The following MCPH1 variants were observed in gnomAD, a reference collection of about 807,000 sequenced individuals.
The protein encoded by MCPH1 is microcephalin.
In MCPH1, 104 loss-of-function variants were observed where a neutral mutation model predicts 84.5. The observed-to-expected ratio is 1.23, with a 90% CI of 1.05 to 1.45. The LOEUF (loss-of-function observed/expected upper bound fraction) is 1.45, where lower values mean the gene tolerates loss of function less well. Ranked by LOEUF, MCPH1 falls within the 40% of genes most tolerant of loss-of-function variation. The probability of loss-of-function intolerance (pLI) is 0.00; values close to 1 mark genes in which losing one functional copy is unlikely to be tolerated. For missense variants in MCPH1, 1,498 were observed against 1,005.7 expected (o/e 1.49, Z -6.62); for synonymous variants, 514 against 366.8 (o/e 1.40, Z -4.58).
At chr8:6,428,047 G>A (rs2129553543) in intron 3 of MCPH1, among the ~76,000 whole-genome samples, 1 of 152,014 alleles carries the variant, frequency 6.6e-6, no homozygotes, top group Admixed American at 6.5e-5. Context: ...CTCCCAAAGT[G>A]CTGAGATTAC....
intron 11 of MCPH1, among the ~76,000 whole-genome samples, chr8:6,482,467 G>GTT (rs1314842737): frequency 6.6e-6 from 1 of 152,200 alleles, no homozygotes; most frequent in African/African-American, 2.4e-5. Context: ...CAGTGAATGA[G>GTT]TTCTGTGTTT....
chr8:6,553,574 G>A (rs1303561534), intron 12 of MCPH1, among the ~76,000 whole-genome samples: 4 of 152,120 alleles, frequency 2.6e-5, no homozygotes, highest in African/African-American at 7.2e-5. Flanking sequence ...TTCAAACAAC[G>A]GGAGAACATG....
intron 12 of MCPH1, among the ~76,000 whole-genome samples, chr8:6,584,083 A>T (rs1827790561): frequency 1.3e-5 from 2 of 152,046 alleles, no homozygotes; most frequent in South Asian, 4.1e-4. Flanking sequence ...ATCATCTTCC[A>T]ACATTCCTGC....
At chr8:6,473,189 T>C (rs1024829952) in intron 9 of MCPH1, among the ~76,000 whole-genome samples, 1 of 152,116 alleles carries the variant, frequency 6.6e-6, no homozygotes, top group Admixed American at 6.5e-5. Context: ...TTTTTAAATG[T>C]TTAGTCTTTA....
chr8:6,423,450 C>T (rs1344394478), intron 3 of MCPH1, among the ~76,000 whole-genome samples: 2 of 152,164 alleles, frequency 1.3e-5, no homozygotes, highest in African/African-American at 4.8e-5. Context: ...CTGGCATGAG[C>T]CCCTGCGCCC....
intron 11 of MCPH1, among the ~76,000 whole-genome samples, chr8:6,486,503 A>G (rs895528015): frequency 1.8e-4 from 28 of 152,132 alleles, no homozygotes; most frequent in African/African-American, 6.5e-4. Context: ...TCAGAATTAG[A>G]TGGTTGTATG....
chr8:6,596,225 C>G (rs1828915221), intron 12 of MCPH1, among the ~76,000 whole-genome samples: 1 of 152,176 alleles, frequency 6.6e-6, no homozygotes, highest in Non-Finnish European at 1.5e-5. Context: ...CGAACTGGCA[C>G]TGTGCCTTGG....
At chr8:6,432,292 G>C (rs997605934) in intron 4 of MCPH1, among the ~76,000 whole-genome samples, 1 of 152,050 alleles carries the variant, frequency 6.6e-6, no homozygotes, top group Non-Finnish European at 1.5e-5. Flanking sequence ...AGTAATCTCT[G>C]GATTATTTAA....
chr8:6,488,322 A>G (rs1810175154), intron 11 of MCPH1, among the ~76,000 whole-genome samples: 1 of 152,212 alleles, frequency 6.6e-6, no homozygotes, highest in African/African-American at 2.4e-5. Flanking sequence ...GATACCAAAA[A>G]GTGATTCATC....
rs1412653857 is a variant in MCPH1, at chr8:6,406,655, C to G, written c.-13C>G. ...CACCGCGTAGGCCAGCTGGCCGGAT[C>G]CCGCCGTCTGTCATGGCGGCCCCCA... On this transcript the variant is annotated 5_prime_UTR_variant, in exon 1 of 14. In the 5' UTR this introduces an upstream ATG that the reference lacks. Transcript: ENST00000344683. 5 of 1,611,788 alleles carry G rather than the reference C, an allele frequency of 3.1e-6. No homozygotes were observed. The highest frequency in any genetic ancestry group is 1.7e-4 in the Middle Eastern group (1 of 6,040).
intron 13 of MCPH1, among the ~76,000 whole-genome samples, chr8:6,629,233 C>A (rs968838970): frequency 6.6e-6 from 1 of 152,180 alleles, no homozygotes; most frequent in Non-Finnish European, 1.5e-5. Context: ...GAGGCCAGGG[C>A]CGGCAGATCA....
At chr8:6,596,921 T>C (rs2442573) in intron 12 of MCPH1, among the ~76,000 whole-genome samples, 33,641 of 152,096 alleles carry the variant, frequency 0.22, 3,831 homozygotes, top group Non-Finnish European at 0.25. Context: ...AAAACTCTTG[T>C]ATAGAGGATA....
chr8:6,467,806 C>A (rs1010812084), intron 9 of MCPH1, among the ~76,000 whole-genome samples: 1 of 152,072 alleles, frequency 6.6e-6, no homozygotes, highest in African/African-American at 2.4e-5. Context: ...CTGTGTTGAC[C>A]AGGCTGGTCT....
intron 3 of MCPH1, among the ~76,000 whole-genome samples, chr8:6,420,103 G>A (rs963324274): frequency 6.6e-6 from 1 of 151,550 alleles, no homozygotes; most frequent in African/African-American, 2.4e-5. Flanking sequence ...GTTTCTATAG[G>A]ATCCTTAAAT....
chr8:6,534,500 C>T (rs1443152136), intron 12 of MCPH1, among the ~76,000 whole-genome samples: 2 of 152,126 alleles, frequency 1.3e-5, no homozygotes, highest in South Asian at 2.1e-4. Flanking sequence ...TGAAATGTTA[C>T]TCAAGCCATC....
intron 11 of MCPH1, among the ~76,000 whole-genome samples, chr8:6,496,092 A>T (rs904768143): frequency 6.6e-6 from 1 of 152,232 alleles, no homozygotes; most frequent in Non-Finnish European, 1.5e-5. Flanking sequence ...ACATTGTAAT[A>T]TATAATGAAG....
At chr8:6,589,273 T>C (rs2515532) in intron 12 of MCPH1, among the ~76,000 whole-genome samples, 151,233 of 152,318 alleles carry the variant, frequency 0.99, 75,089 homozygotes, top group Middle Eastern at 1. Flanking sequence ...TCTTCAAAAA[T>C]GACTGATACC....
At chr8:6,588,762 A>G (rs905784721) in intron 12 of MCPH1, among the ~76,000 whole-genome samples, 2 of 152,206 alleles carry the variant, frequency 1.3e-5, no homozygotes, top group African/African-American at 2.4e-5. Flanking sequence ...CTTCTCACCC[A>G]AGCCTTCTGC....
rs555657304 is a variant in MCPH1 at position 6,553,667 on chromosome 8, T to A, written c.2214+53738T>A. ...AAAATCCCTGAAATGGTCTCAAAAT[T>A]TTTTTTTTTTTTTTTACCTCTCCCC... On this transcript the variant is annotated intron_variant, in intron 12 of 13. Coordinates refer to ENST00000344683, the MANE Select transcript of MCPH1 (RefSeq NM_024596.5). Among the ~76,000 whole-genome samples, 698 of 114,896 alleles carry A rather than the reference T, an allele frequency of 6.1e-3. 7 individuals are homozygous for A. The highest frequency in any genetic ancestry group is 0.043 in the African/African-American group (663 of 15,454). 75.4% of individuals were successfully genotyped at this position (114,896 alleles called of 152,430 possible).
Sources: allele counts gnomAD v4.1 joint callset (sites outside exome capture counted in the v4.1 genomes callset), GRCh38; gene constraint gnomAD v4.1.1; transcripts MANE v1.5; gene names NCBI Gene and HGNC (gene_info 2026-07-23, HGNC 2026-07-21).